The following VOPP1 variants were observed in gnomAD, a reference collection of about 807,000 sequenced individuals.
The protein encoded by VOPP1 is WW domain binding protein VOPP1.
Under a neutral mutation model 23.5 loss-of-function variants are expected in VOPP1, and 8 were observed. The observed-to-expected ratio is 0.34, with a 90% CI of 0.20 to 0.61. The LOEUF is 0.61. VOPP1 is among the 20% of genes least tolerant of loss of function. VOPP1 has a pLI of 0.78. For synonymous variants in VOPP1, 83 were observed against 97.3 expected, an observed-to-expected ratio of 0.85 and a Z score of 0.86; for missense variants, 174 against 238.1, an observed-to-expected ratio of 0.73 and a Z score of 1.77.
chr7:55,510,288 G>A (rs2129034208), intron 2 of VOPP1, among the ~76,000 whole-genome samples: 1 of 152,290 alleles, frequency 6.6e-6, no homozygotes, highest in Middle Eastern at 3.4e-3. Context: ...TGGAGCCTCA[G>A]TAAATTCACT....
chr7:55,492,553 G>C, intron 3 of VOPP1, 135 bp from the exon 4 acceptor site: 2 of 1,123,456 alleles, frequency 1.8e-6, no homozygotes, highest in South Asian at 1.9e-5. Context: ...CAGAAGGCAA[G>C]GGCAGAGCCA....
At chr7:55,485,412 T>G (rs1189413584) in intron 4 of VOPP1, among the ~76,000 whole-genome samples, 5 of 152,220 alleles carry the variant, frequency 3.3e-5, no homozygotes, top group Non-Finnish European at 7.3e-5. Flanking sequence ...AAAGTCGATT[T>G]AAGGTTGAGA....
At chr7:55,562,822 T>C (rs780674011) in intron 1 of VOPP1, among the ~76,000 whole-genome samples, 1 of 152,106 alleles carries the variant, frequency 6.6e-6, no homozygotes, top group Non-Finnish European at 1.5e-5. Flanking sequence ...CAACCAAAGT[T>C]TGGTCAAGGG....
rs563918271 is a variant in VOPP1, at chr7:55,537,048, G to A, written c.55-15918C>T. Among the ~76,000 whole-genome samples, 3 of 152,240 alleles carry A rather than the reference G, an allele frequency of 2.0e-5. No individual in the cohort carries two copies. The East Asian group carries it at 5.8e-4, about 29-fold the overall frequency. On this transcript the variant is annotated intron_variant, in intron 1 of 4. Coordinates refer to ENST00000285279, the MANE Select transcript of VOPP1 (RefSeq NM_030796.5). ...GATTAAGGAAGGGGCTTTGGGGAGGGGCCAGACATTTTCTGACGAGAAACG... is the reference window on the plus strand; with the variant it reads ...GATTAAGGAAGGGGCTTTGGGGAGGAGCCAGACATTTTCTGACGAGAAACG...
chr7:55,468,763 A>AG (rs1042359587), downstream of VOPP1, among the ~76,000 whole-genome samples: 1 of 152,204 alleles, frequency 6.6e-6, no homozygotes, highest in African/African-American at 2.4e-5. Flanking sequence ...CTTTGGCCTA[A>AG]GGGAGGAGTG....
rs148463760 is a variant in VOPP1, at chr7:55,458,143, AAT to A, written n.418-21971_418-21970del. 8.3e-4 allele frequency among the ~76,000 whole-genome samples: 126 copies of A among 152,204 alleles called. 3 individuals are homozygous for A. In the East Asian group the frequency reaches 0.022, roughly 27 times the overall value. ...GTCTAGTTTCATTATTTTGCAGATG[AAT>A]ATTCAGTTTTCTCAGTACCCTTTAT... is the stretch of plus-strand genomic sequence containing the variant. On this transcript the variant is annotated intron_variant and non_coding_transcript_variant, in intron 4 of 4. Transcript: ENST00000462326.
At chr7:55,503,168 T>C (rs533170118) in intron 2 of VOPP1, among the ~76,000 whole-genome samples, 22 of 152,326 alleles carry the variant, frequency 1.4e-4, no homozygotes, top group East Asian at 5.8e-4. Context: ...AGGTATATTA[T>C]AGAGATAAAA....
rs1322651142 is a variant in VOPP1 at position 55,473,552 on chromosome 7, T to G, written c.329-507A>C. ...CACACATAGCCAGGCTGCAGCTGAT[T>G]GACGCTCCATGGGTCAGGAGCGGAG... is the stretch of plus-strand genomic sequence containing the variant. On this transcript the variant is annotated intron_variant, in intron 4 of 4. Coordinates refer to ENST00000285279, the MANE Select transcript of VOPP1 (RefSeq NM_030796.5). 3.3e-5 allele frequency among the ~76,000 whole-genome samples: 5 copies of G among 152,262 alleles called. No individual in the cohort carries two copies. The South Asian group carries it at 6.2e-4, about 19-fold the overall frequency.
chr7:55,483,391 A>G (rs1792885834), intron 4 of VOPP1, among the ~76,000 whole-genome samples: 1 of 152,124 alleles, frequency 6.6e-6, no homozygotes, highest in African/African-American at 2.4e-5. Context: ...TATGATTATC[A>G]TCCCTCATTA....
At chr7:55,488,399 A>G (rs538034724) in intron 4 of VOPP1, among the ~76,000 whole-genome samples, 1 of 152,210 alleles carries the variant, frequency 6.6e-6, no homozygotes, top group East Asian at 1.9e-4. Flanking sequence ...CCCTTCGGCC[A>G]GCAGCTGCAG....
chr7:55,538,577 GT>G, intron 1 of VOPP1: 1 of 1,527,468 alleles, frequency 6.5e-7, no homozygotes, highest in Non-Finnish European at 8.8e-7. Flanking sequence ...GCTTTACATG[GT>G]TTAATAACAA....
At chr7:55,465,446 G>T (rs569329359) in intron 4 of VOPP1, among the ~76,000 whole-genome samples, 3 of 152,250 alleles carry the variant, frequency 2.0e-5, no homozygotes, top group African/African-American at 7.2e-5. Context: ...TTACATGATC[G>T]TAGTCTGAAA....
At chr7:55,552,926 A>C in intron 1 of VOPP1, 1 of 950,336 alleles carries the variant, frequency 1.1e-6, no homozygotes, top group Non-Finnish European at 1.4e-6. Flanking sequence ...TGCTAGCTGC[A>C]AATTGCTGAC....
At chr7:55,467,554 T>G (rs545912038), downstream of VOPP1, among the ~76,000 whole-genome samples, 1 of 152,376 alleles carries the variant, frequency 6.6e-6, no homozygotes, top group South Asian at 2.1e-4. Context: ...TTCTCCTATT[T>G]CAAAAATTAC....
chr7:55,464,038 T>C (rs534982477), intron 4 of VOPP1, among the ~76,000 whole-genome samples: 3 of 152,286 alleles, frequency 2.0e-5, no homozygotes, highest in South Asian at 4.1e-4. Flanking sequence ...AGTATAGACC[T>C]ATCCTCAGCT....
intron 1 of VOPP1, among the ~76,000 whole-genome samples, chr7:55,540,008 GGT>G (rs951930297): frequency 6.6e-6 from 1 of 151,438 alleles, no homozygotes; most frequent in African/African-American, 2.4e-5. Flanking sequence ...ACTTAGGGAT[GGT>G]TTAAAATTTA....
intron 2 of VOPP1, among the ~76,000 whole-genome samples, chr7:55,509,056 A>C (rs778027459): frequency 6.6e-6 from 1 of 152,144 alleles, no homozygotes; most frequent in Non-Finnish European, 1.5e-5. Flanking sequence ...TTTATTATCA[A>C]TTTTAATTTT....
chr7:55,521,736 G>GGCAGGGCA, intron 1 of VOPP1: 1 of 958,748 alleles, frequency 1.0e-6, no homozygotes, highest in Non-Finnish European at 1.2e-6. Context: ...CCACAGGGCA[G>GGCAGGGCA]GGCAGGGCAG....
intron 1 of VOPP1, among the ~76,000 whole-genome samples, chr7:55,548,477 G>A (rs1184550231): frequency 1.3e-5 from 2 of 152,198 alleles, no homozygotes; most frequent in Non-Finnish European, 2.9e-5. Flanking sequence ...CATTAGAGCT[G>A]GGATGCATAT....
Sources: allele counts gnomAD v4.1 joint callset (sites outside exome capture counted in the v4.1 genomes callset), GRCh38; gene constraint gnomAD v4.1.1; transcripts MANE v1.5; gene names NCBI Gene and HGNC (gene_info 2026-07-23, HGNC 2026-07-21).